The following R3HDM2 variants were observed in gnomAD, a reference collection of about 807,000 sequenced individuals.
R3HDM2 encodes R3H domain-containing protein 2.
A neutral mutation model predicts 124.5 loss-of-function variants in R3HDM2; 38 were observed. That is an observed-to-expected ratio of 0.31 (90% confidence interval 0.24 to 0.40). R3HDM2 has a LOEUF of 0.40. Among genes scored for constraint, R3HDM2 ranks in the 10% least tolerant of loss-of-function variants. R3HDM2 has a pLI of 1.00. For missense variants in R3HDM2, 869 were observed against 1,236.9 expected (o/e 0.70, Z 4.46); for synonymous variants, 391 against 448.0 (o/e 0.87, Z 1.61).
chr12:57,261,358 G>A (rs2040764147), intron 19 of R3HDM2, among the ~76,000 whole-genome samples: 1 of 152,168 alleles, frequency 6.6e-6, no homozygotes, highest in Non-Finnish European at 1.5e-5. Context: ...CTAGAAAGCA[G>A]CTCATAATCT....
intron 19 of R3HDM2, among the ~76,000 whole-genome samples, chr12:57,262,563 A>T (rs956913073): frequency 3.9e-5 from 6 of 152,204 alleles, no homozygotes. Context: ...AAACCAGAAC[A>T]GTTGTTCCAG....
At chr12:57,291,280 A>G (rs1170490357) in intron 11 of R3HDM2, among the ~76,000 whole-genome samples, 4 of 151,456 alleles carry the variant, frequency 2.6e-5, no homozygotes, top group South Asian at 4.2e-4. Flanking sequence ...ATATATATAT[A>G]TATTCTCCCC....
At chr12:57,276,677 G>A (rs958130228) in intron 14 of R3HDM2, among the ~76,000 whole-genome samples, 1 of 152,186 alleles carries the variant, frequency 6.6e-6, no homozygotes, top group African/African-American at 2.4e-5. Flanking sequence ...CATGAGGTCA[G>A]GAGTTTGAGA....
At chr12:57,390,240 A>G (rs778307235) in intron 2 of R3HDM2, among the ~76,000 whole-genome samples, 16 of 152,130 alleles carry the variant, frequency 1.1e-4, no homozygotes, top group Non-Finnish European at 1.8e-4. Context: ...GTTACTGGGC[A>G]TCAGGCAGTG....
At chr12:57,400,941 G>C (rs501055) in intron 1 of R3HDM2, among the ~76,000 whole-genome samples, 2 of 151,760 alleles carry the variant, frequency 1.3e-5, no homozygotes, top group Non-Finnish European at 2.9e-5. Flanking sequence ...GAAAATATCA[G>C]TCCCCAGCCA....
At chr12:57,355,390 C>T (rs1406961923) in intron 2 of R3HDM2, among the ~76,000 whole-genome samples, 1 of 144,590 alleles carries the variant, frequency 6.9e-6, no homozygotes, top group Non-Finnish European at 1.5e-5. Context: ...ACCCGAGAGG[C>T]AGAGCTTGCA....
intron 16 of R3HDM2, 82 bp from the exon 17 acceptor site, chr12:57,269,164 A>G: frequency 6.4e-7 from 1 of 1,569,840 alleles, no homozygotes; most frequent in Non-Finnish European, 8.7e-7. Flanking sequence ...TCTCCATTCT[A>G]TTTTATCTTT....
intron 1 of R3HDM2, among the ~76,000 whole-genome samples, chr12:57,400,520 C>A (rs889983370): frequency 6.6e-6 from 1 of 152,038 alleles, no homozygotes; most frequent in Non-Finnish European, 1.5e-5. Context: ...CATCATGGCA[C>A]ATGTATACAT....
chr12:57,291,688 CAAAG>C (rs2048663267), intron 11 of R3HDM2, among the ~76,000 whole-genome samples: 1 of 149,014 alleles, frequency 6.7e-6, no homozygotes, highest in Non-Finnish European at 1.5e-5. Context: ...AAATAAAAAA[CAAAG>C]AAAACCCTGA....
chr12:57,354,388 G>T (rs1439555348), intron 2 of R3HDM2, among the ~76,000 whole-genome samples: 6 of 151,978 alleles, frequency 3.9e-5, no homozygotes, highest in Non-Finnish European at 7.4e-5. Context: ...TGGCTCCCAG[G>T]TTCAAGCGAT....
chr12:57,384,564 C>G (rs2065418980), intron 2 of R3HDM2, among the ~76,000 whole-genome samples: 1 of 152,036 alleles, frequency 6.6e-6, no homozygotes, highest in Admixed American at 6.6e-5. Flanking sequence ...TACAGATGTA[C>G]AGGTCACCAT....
chr12:57,300,277 G>A, intron 4 of R3HDM2, 96 bp from the exon 5 acceptor site: 1 of 1,096,014 alleles, frequency 9.1e-7, no homozygotes, highest in East Asian at 2.7e-5. Flanking sequence ...TGAATGAAAA[G>A]TGTCCTCTTT....
intron 2 of R3HDM2, among the ~76,000 whole-genome samples, chr12:57,353,586 T>C (rs1169598772): frequency 2.0e-5 from 3 of 152,168 alleles, no homozygotes; most frequent in South Asian, 2.1e-4. Context: ...ATTATTTATT[T>C]TTATTTTTTT....
At chr12:57,355,384 G>A (rs2061155626) in intron 2 of R3HDM2, among the ~76,000 whole-genome samples, 2 of 148,990 alleles carry the variant, frequency 1.3e-5, no homozygotes, top group South Asian at 4.2e-4. Context: ...GCGTGAACCC[G>A]AGAGGCAGAG....
At chr12:57,359,251 G>A (rs188367387) in intron 2 of R3HDM2, among the ~76,000 whole-genome samples, 66 of 152,168 alleles carry the variant, frequency 4.3e-4, no homozygotes, top group Admixed American at 3.4e-3. Context: ...TGTAGAGATG[G>A]TGTTTCGCCA....
In R3HDM2 at chr12:57,269,071, T is replaced by A. The variant is rs778397922; in HGVS notation, c.1726A>T (p.Met576Leu). The change falls in exon 17 of 24, where the codon ATG (methionine) becomes TTG (leucine). Residue 576 changes from methionine to leucine, a missense_variant. By Grantham distance (15) the Met-to-Leu change is conservative. Coordinates refer to ENST00000402412, the MANE Select transcript of R3HDM2 (RefSeq NM_001394031.1). ...GCCGCCTGCTGCTGGTTAGGCATCATGGGCTGTAAACCTAGAGATGGGCAA... is the reference window on the plus strand; with the variant it reads ...GCCGCCTGCTGCTGGTTAGGCATCAAGGGCTGTAAACCTAGAGATGGGCAA... ...QPSQQPGLQPMMPNQQQAAYQ... is the reference protein window; with the variant it reads ...QPSQQPGLQPLMPNQQQAAYQ... The A allele has an allele frequency of 2.3e-5, 37 of 1,614,120 alleles. No homozygotes were observed. Among genetic ancestry groups the A allele is most frequent in the Non-Finnish European group, 2.9e-5 (34 of 1,180,044 alleles).
At chr12:57,364,143 C>CTTTTTTTTTTTT (rs11320875) in intron 2 of R3HDM2, among the ~76,000 whole-genome samples, 1 of 81,670 alleles carries the variant, frequency 1.2e-5, no homozygotes, top group Non-Finnish European at 2.4e-5. Context: ...GACTCGGTGT[C>CTTTTTTTTTTTT]TTTTTTTTTT....
Position 57,395,740 on chromosome 12 carries a change from T to C in R3HDM2, c.-36+9A>G, listed in dbSNP as rs2067412213. The C allele has an allele frequency of 3.1e-6, 3 of 976,036 alleles. No homozygotes were observed. The highest frequency in any genetic ancestry group is 6.2e-5 in the Admixed American group (1 of 16,234). The allele number at this position is 976,036 out of a possible 1,614,324, so 60.5% of individuals were successfully genotyped here. A position where few individuals can be genotyped will look rare whatever the true frequency, so the allele number is the denominator to read the frequency against. ...CAGAAAGTGCTCCATAAATGTTATC[T>C]ATTATTACCTGAATAAATGCTCAGC... On this transcript the variant is annotated intron_variant, in intron 2 of 23. Coordinates refer to ENST00000402412, the MANE Select transcript of R3HDM2 (RefSeq NM_001394031.1).
At chr12:57,261,758 A>C (rs1485966008) in intron 19 of R3HDM2, among the ~76,000 whole-genome samples, 1 of 34,366 alleles carries the variant, frequency 2.9e-5, no homozygotes, top group East Asian at 9.9e-4. Context: ...TAGACGTGGC[A>C]AAAAAAAAAA....
Sources: gnomAD v4.1 joint callset for allele counts (sites outside exome capture counted in the v4.1 genomes callset) on GRCh38, gnomAD v4.1.1 for gene constraint, MANE v1.5 for transcripts, NCBI Gene and HGNC (gene_info 2026-07-23, HGNC 2026-07-21) for gene names.